TMPRSS2: variants seen among roughly 807,000 people sequenced by gnomAD.
TMPRSS2 encodes transmembrane serine protease 2.
Under a neutral mutation model 67.4 loss-of-function variants are expected in TMPRSS2, and 59 were observed. The observed-to-expected ratio is 0.88, with a 90% confidence interval of 0.71 to 1.09. The LOEUF (loss-of-function observed/expected upper bound fraction) is 1.09. TMPRSS2 is among the 50% of genes least tolerant of loss of function. TMPRSS2 has a pLI of 0.00. For missense variants in TMPRSS2, 668 were observed against 642.7 expected (o/e 1.04, Z -0.43); for synonymous variants, 257 against 257.0 (o/e 1.00, Z 0.00).
chr21:41,493,707 G>C (rs1454965402), intron 3 of TMPRSS2, among the ~76,000 whole-genome samples: 1 of 152,216 alleles, frequency 6.6e-6, no homozygotes, highest in Non-Finnish European at 1.5e-5. Flanking sequence ...GGGCGGACTG[G>C]AAAGACATGA....
chr21:41,494,563 T>C lies in TMPRSS2; in HGVS notation c.31A>G (p.Ile11Val), dbSNP rs371681428. 6 of 1,613,520 alleles carry C rather than the reference T, an allele frequency of 3.7e-6. No homozygotes were observed. The highest frequency in any genetic ancestry group is 2.2e-5 in the East Asian group (1 of 44,880). MALNSGSPPA[I>V]GPYYENHGYQ... ...CCATGGTTTTCATAGTAAGGTCCAATAGCTGGTGGTGACCCCTAAACAGTT... is the reference window on the plus strand; with the variant it reads ...CCATGGTTTTCATAGTAAGGTCCAACAGCTGGTGGTGACCCCTAAACAGTT... Residue 11 changes from isoleucine to valine, a missense_variant, in exon 3 of 14, where the codon ATT becomes GTT. Coordinates refer to ENST00000332149, the MANE Select transcript of TMPRSS2 (RefSeq NM_005656.4).
Position 41,468,427 on chromosome 21 carries a change from C to G in TMPRSS2, c.1283G>C (p.Gly428Ala). The G allele has an allele frequency of 1.2e-6, 2 of 1,614,128 alleles. No homozygotes were observed. Residue 428 changes from glycine to alanine, a missense_variant, in exon 12 of 14, where the codon GGC (glycine) becomes GCC (alanine). By Grantham distance (60) the Gly-to-Ala change is moderately conservative. Transcript: ENST00000332149. ...AGAATCGACGTTCCCCTGCAGGAAG[C>G]CGGCACAGATCATGGCTGGTGTGAT... ...NLITPAMICAGFLQGNVDSCQ... is the reference protein window; with the variant it reads ...NLITPAMICAAFLQGNVDSCQ...
chr21:41,473,920 T>TGAGG (rs1441580992), intron 8 of TMPRSS2, among the ~76,000 whole-genome samples: 3 of 92,624 alleles, frequency 3.2e-5, no homozygotes, highest in East Asian at 6.1e-4. Flanking sequence ...AAGGGGTGAG[T>TGAGG]GAGGGAGTGA....
chr21:41,488,702 A>G (rs936981266), intron 4 of TMPRSS2, among the ~76,000 whole-genome samples, 189 bp from the exon 5 acceptor site: 6 of 152,154 alleles, frequency 3.9e-5, no homozygotes, highest in African/African-American at 9.7e-5. Flanking sequence ...CAGGGGCACA[A>G]TCTTGGCTCA....
chr21:41,508,006 G>A (rs1648570754), intron 1 of TMPRSS2, 75 bp downstream of exon 1: 7 of 1,369,792 alleles, frequency 5.1e-6, no homozygotes, highest in Non-Finnish European at 6.6e-6. Context: ...AGGGGGCATC[G>A]GCGGGTCCCA....
intron 3 of TMPRSS2, among the ~76,000 whole-genome samples, chr21:41,493,971 A>G (rs1320493199): frequency 3.9e-5 from 6 of 152,258 alleles, no homozygotes; most frequent in Admixed American, 6.5e-5. Context: ...AGGGGACTGT[A>G]TGACAAAGGT....
intron 1 of TMPRSS2, chr21:41,502,397 A>T: frequency 1.0e-6 from 1 of 985,316 alleles, no homozygotes; most frequent in Non-Finnish European, 1.2e-6. Context: ...TTGTGCACAC[A>T]CCTTCTCCTT....
chr21:41,466,182 T>C (rs770541455), intron 13 of TMPRSS2, 29 bp from the exon 14 acceptor site: 3 of 1,613,308 alleles, frequency 1.9e-6, no homozygotes, highest in Non-Finnish European at 2.5e-6. Context: ...AAAAAGTGTG[T>C]TATTTTCTTA....
intron 13 of TMPRSS2, among the ~76,000 whole-genome samples, chr21:41,467,388 CAAAA>C (rs1216161241): frequency 8.8e-6 from 1 of 113,828 alleles, no homozygotes; most frequent in Middle Eastern, 4.9e-3. Context: ...GACTCCATCT[CAAAA>C]AAAAAAAAAA....
chr21:41,466,511 G>A (rs2091085600), intron 13 of TMPRSS2, among the ~76,000 whole-genome samples: 1 of 152,198 alleles, frequency 6.6e-6, no homozygotes, highest in South Asian at 2.1e-4. Context: ...CTCCATCCTG[G>A]TGCGAGTCCG....
intron 3 of TMPRSS2, among the ~76,000 whole-genome samples, chr21:41,490,886 C>T (rs1477445039): frequency 6.6e-6 from 1 of 152,146 alleles, no homozygotes; most frequent in Admixed American, 6.5e-5. Flanking sequence ...TTGAACAGAC[C>T]CTCCCAGGCT....
intron 12 of TMPRSS2, 144 bp downstream of exon 12, chr21:41,468,252 T>G: frequency 9.8e-7 from 1 of 1,022,220 alleles, no homozygotes; most frequent in Non-Finnish European, 1.4e-6. Context: ...TTCGCACTGT[T>G]TGTGGCCGTC....
chr21:41,478,427 G>A lies in TMPRSS2; in HGVS notation c.683+745C>T, dbSNP rs1030523632. Among the ~76,000 whole-genome samples, 7 of 152,326 alleles carry A rather than the reference G, an allele frequency of 4.6e-5. No homozygotes were observed. The Middle Eastern group carries it at 0.01, about 222-fold the overall frequency. On this transcript the variant is annotated intron_variant, in intron 7 of 13. Transcript: ENST00000332149. The surrounding 1 kb of genome is among the most constrained non-coding windows in gnomAD (Gnocchi z 4.0). ...GACCTGGGAGGCAAGGAGAGCTCAT[G>A]GGCAAAGGACACTGTGTATCTTTCA...
At chr21:41,475,749 G>A (rs1302592563) in intron 8 of TMPRSS2, among the ~76,000 whole-genome samples, 1 of 149,026 alleles carries the variant, frequency 6.7e-6, no homozygotes, top group Non-Finnish European at 1.5e-5. Flanking sequence ...GAGGGGGTGA[G>A]GGGTGAGTGA....
chr21:41,499,191 G>A (rs1195562917), intron 1 of TMPRSS2, among the ~76,000 whole-genome samples: 2 of 152,166 alleles, frequency 1.3e-5, no homozygotes, highest in African/African-American at 4.8e-5. Flanking sequence ...CAACCATTTT[G>A]ACCACTGCTA....
chr21:41,478,439 CTG>C lies in TMPRSS2; in HGVS notation c.683+731_683+732del, dbSNP rs986142204. Among the ~76,000 whole-genome samples, 1 of 152,226 alleles carries C rather than the reference CTG, an allele frequency of 6.6e-6. No homozygotes were observed. Among genetic ancestry groups the C allele is most frequent in the African/African-American group, 2.4e-5 (1 of 41,448 alleles). On this transcript the variant is annotated intron_variant, in intron 7 of 13. Coordinates refer to ENST00000332149, the MANE Select transcript of TMPRSS2 (RefSeq NM_005656.4). This position sits in a 1 kb window ranked among gnomAD's most constrained non-coding sequence, Gnocchi z 4.0. ...AAGGAGAGCTCATGGGCAAAGGACACTGTGTATCTTTCACATCAGAAAACACA... is the reference window on the plus strand; with the variant it reads ...AAGGAGAGCTCATGGGCAAAGGACACTGTATCTTTCACATCAGAAAACACA...
intron 1 of TMPRSS2, among the ~76,000 whole-genome samples, chr21:41,500,988 C>T (rs2091420125): frequency 6.6e-6 from 1 of 152,204 alleles, no homozygotes; most frequent in Non-Finnish European, 1.5e-5. Flanking sequence ...TCCCCAGTTA[C>T]AGGTTTGGTT....
intron 5 of TMPRSS2, among the ~76,000 whole-genome samples, chr21:41,483,292 ACTT>A (rs907992150): frequency 8.0e-5 from 12 of 150,614 alleles, no homozygotes; most frequent in South Asian, 6.3e-4. Context: ...AAATGAATAC[ACTT>A]CTTCTTCTTC....
intron 2 of TMPRSS2, among the ~76,000 whole-genome samples, chr21:41,495,318 C>T (rs1293345048): frequency 6.6e-6 from 1 of 151,810 alleles, no homozygotes; most frequent in Non-Finnish European, 1.5e-5. Context: ...AATTATTTCC[C>T]TCTACATACA....
Sources: allele counts gnomAD v4.1 joint callset (sites outside exome capture counted in the v4.1 genomes callset), GRCh38; gene constraint gnomAD v4.1.1; non-coding constraint Gnocchi (gnomAD v3.1); transcripts MANE v1.5; gene names NCBI Gene and HGNC (gene_info 2026-07-23, HGNC 2026-07-21).